Variants in HRK observed in about 807,000 individuals in gnomAD.
HRK encodes the protein harakiri, BCL2 interacting protein, also known as activator of apoptosis harakiri.
HRK carries 6 observed loss-of-function variants against 5.9 expected under a neutral mutation model. That is an observed-to-expected ratio of 1.02 (90% CI 0.56 to 2.01). The LOEUF is 2.01. Among genes scored for constraint, HRK ranks in the 30% most tolerant of loss-of-function variants. The pLI is 0.00. For synonymous variants in HRK, 85 were observed against 65.1 expected, an observed-to-expected ratio of 1.31 and a Z score of -1.47; for missense variants, 133 against 128.3, an observed-to-expected ratio of 1.04 and a Z score of -0.18.
At chr12:116,870,392 C>T (rs536843339) in intron 1 of HRK, among the ~76,000 whole-genome samples, 30 of 152,254 alleles carry the variant, frequency 2.0e-4, no homozygotes, top group East Asian at 1.9e-4. Context: ...GCACGCTAGG[C>T]GTCATCCACA....
At chr12:116,876,121 G>C (rs1371266238) in intron 1 of HRK, among the ~76,000 whole-genome samples, 6 of 152,094 alleles carry the variant, frequency 3.9e-5, no homozygotes, top group South Asian at 4.2e-4. Flanking sequence ...ATTATCCCCG[G>C]GTGTGGCTCT....
At chr12:116,880,110 CACTAGG>C (rs1390849397) in intron 1 of HRK, among the ~76,000 whole-genome samples, 3 of 152,032 alleles carry the variant, frequency 2.0e-5, no homozygotes, top group Non-Finnish European at 2.9e-5. Context: ...ATACCAACCA[CACTAGG>C]TGCTCAGTAC....
chr12:116,877,553 A>G (rs1013883846), intron 1 of HRK, among the ~76,000 whole-genome samples: 36 of 152,190 alleles, frequency 2.4e-4, no homozygotes, highest in African/African-American at 8.4e-4. Flanking sequence ...CCGGGAGGGC[A>G]GGTAGGAGTG....
At chr12:116,863,419 G>A (rs1330438606) in intron 1 of HRK, among the ~76,000 whole-genome samples, 3 of 152,160 alleles carry the variant, frequency 2.0e-5, no homozygotes, top group Non-Finnish European at 4.4e-5. Flanking sequence ...CCTTACCCTG[G>A]CACCTTCAGG....
rs1237640379 is a variant in HRK, at chr12:116,880,996, G to A, written c.*36C>T. ...CGTACCTGTTGCTCGCTCCGGCTGG[G>A]TCTCGGCTCCGGCCCCACCAAGAAG... is the stretch of plus-strand genomic sequence containing the variant. On this transcript the variant is annotated 3_prime_UTR_variant, in exon 1 of 2. Coordinates refer to ENST00000257572, the MANE Select transcript of HRK (RefSeq NM_003806.4). The A allele has an allele frequency of 1.6e-6, 2 of 1,286,132 alleles. No individual in the cohort carries two copies. Among genetic ancestry groups the A allele is most frequent in the Middle Eastern group, 3.0e-4 (1 of 3,342 alleles). The allele number at this position is 1,286,132 out of a possible 1,614,324, so 79.7% of individuals were successfully genotyped here.
rs984512876 is a variant in HRK at position 116,856,251 on chromosome 12, A to G, written c.*5272T>C. On this transcript the variant is annotated 3_prime_UTR_variant, in exon 2 of 2. Transcript: ENST00000257572. The surrounding 1 kb of genome is among the most constrained non-coding windows in gnomAD (Gnocchi z 4.4). ...AGAGCACAACGACGTCAGAACCAACAACGTCAGAACCCAGAACGGAACGTC... is the reference window on the plus strand; with the variant it reads ...AGAGCACAACGACGTCAGAACCAACGACGTCAGAACCCAGAACGGAACGTC... The G allele has an allele frequency of 1.3e-5, 2 of 152,200 alleles. No homozygotes were observed. The highest frequency in any genetic ancestry group is 2.4e-5 in the African/African-American group (1 of 41,460). 9.4% of individuals were successfully genotyped at this position (152,200 alleles called of 1,614,324 possible).
At position 116,881,287 on chromosome 12, in the gene HRK, G is replaced by A; in HGVS notation, c.21C>T (p.His7=). MCPCPL[H]RGRGPPAVCA... is the part of the protein sequence containing the mutation. Reference sequence around the variant, plus strand: ...ACACGGCCGGGGGGCCGCGGCCGCGGTGCAGGGGGCACGGGCACATGACCG... The same window carrying A: ...ACACGGCCGGGGGGCCGCGGCCGCGATGCAGGGGGCACGGGCACATGACCG... The change falls in exon 1 of 2, where the codon CAC becomes CAT. Residue 7 remains histidine (H), a synonymous_variant. Transcript: ENST00000257572. The A allele has an allele frequency of 9.3e-7, 1 of 1,073,506 alleles. No homozygotes were observed. The highest frequency in any genetic ancestry group is 1.1e-6 in the Non-Finnish European group (1 of 888,598). The allele number at this position is 1,073,506 out of a possible 1,614,324, so 66.5% of individuals were successfully genotyped here. A position where few individuals can be genotyped will look rare whatever the true frequency, so the allele number is the denominator to read the frequency against.
intron 1 of HRK, among the ~76,000 whole-genome samples, chr12:116,872,784 A>AAG (rs1013444916): frequency 5.3e-5 from 8 of 150,946 alleles, no homozygotes; most frequent in South Asian, 2.1e-4. Flanking sequence ...CAAAAAAACA[A>AAG]AGAGAGAGAG....
intron 1 of HRK, among the ~76,000 whole-genome samples, chr12:116,875,369 T>C (rs1351076288): frequency 3.9e-5 from 6 of 152,184 alleles, no homozygotes; most frequent in Non-Finnish European, 8.8e-5. Context: ...ACTTATTGTC[T>C]GTCTCTTCCC....
At chr12:116,871,913 A>C (rs1593008495) in intron 1 of HRK, among the ~76,000 whole-genome samples, 1 of 150,544 alleles carries the variant, frequency 6.6e-6, no homozygotes, top group East Asian at 1.9e-4. Context: ...TGTTTTAATT[A>C]GTTCTTTTTT....
intron 1 of HRK, among the ~76,000 whole-genome samples, chr12:116,870,944 A>T (rs974071169): frequency 1.3e-5 from 2 of 152,222 alleles, no homozygotes; most frequent in African/African-American, 4.8e-5. Flanking sequence ...TTTGAGACAG[A>T]GTCTCGCTCT....
In HRK at chr12:116,878,066, C is replaced by A. The variant is rs1879001551; in HGVS notation, c.*56+2910G>T. On this transcript the variant is annotated intron_variant, in intron 1 of 1. Coordinates refer to ENST00000257572, the MANE Select transcript of HRK (RefSeq NM_003806.4). The surrounding 1 kb of genome is among the most constrained non-coding windows in gnomAD (Gnocchi z 4.4). ...GAGTAGCTGGGATTACAGGTGTGCA[C>A]CACCACGCTCAGCTAATTTTTGTAT... Among the ~76,000 whole-genome samples, 1 of 152,104 alleles carries A rather than the reference C, an allele frequency of 6.6e-6. No homozygotes were observed. Among genetic ancestry groups the A allele is most frequent in the Non-Finnish European group, 1.5e-5 (1 of 68,028 alleles).
intron 1 of HRK, among the ~76,000 whole-genome samples, chr12:116,863,180 T>C (rs1157462008): frequency 6.6e-6 from 1 of 152,250 alleles, no homozygotes; most frequent in African/African-American, 2.4e-5. Context: ...GGGAGATCAC[T>C]TTATGGCTTC....
chr12:116,869,160 A>T (rs1284339000), intron 1 of HRK, among the ~76,000 whole-genome samples: 3 of 151,854 alleles, frequency 2.0e-5, no homozygotes, highest in Non-Finnish European at 2.9e-5. Flanking sequence ...ATATTTTTTT[A>T]AAATAGAGGC....
At chr12:116,877,259 T>C (rs1878969930) in intron 1 of HRK, among the ~76,000 whole-genome samples, 1 of 151,346 alleles carries the variant, frequency 6.6e-6, no homozygotes, top group Admixed American at 6.6e-5. Flanking sequence ...TTTCACCATG[T>C]TGCCCAGGCT....
At position 116,856,941 on chromosome 12, in the gene HRK, G is replaced by C. The variant is rs1878173478; in HGVS notation, c.*4582C>G. The C allele has an allele frequency of 6.6e-6, 1 of 152,286 alleles. No individual in the cohort carries two copies. The highest frequency in any genetic ancestry group is 2.4e-5 in the African/African-American group (1 of 41,466). 9.4% of individuals were successfully genotyped at this position (152,286 alleles called of 1,614,324 possible). A position where few individuals can be genotyped will look rare whatever the true frequency, so the allele number is the denominator to read the frequency against. ...GGGTAAAGCACTTCGCCCAGTGCTTGGGAGTGGCGAGCACGCCATAAAAGG... is the reference window on the plus strand; with the variant it reads ...GGGTAAAGCACTTCGCCCAGTGCTTCGGAGTGGCGAGCACGCCATAAAAGG... On this transcript the variant is annotated 3_prime_UTR_variant, in exon 2 of 2. Transcript: ENST00000257572. The surrounding 1 kb of genome is among the most constrained non-coding windows in gnomAD (Gnocchi z 4.4).
rs750648503 is a variant in HRK, at chr12:116,860,653, G to C, written c.*870C>G. ...TGCTCCAAACCACCTCTGGATATTCGTCCCCAGGTAGAAGAAGAGAAGAGA... is the reference window on the plus strand; with the variant it reads ...TGCTCCAAACCACCTCTGGATATTCCTCCCCAGGTAGAAGAAGAGAAGAGA... On this transcript the variant is annotated 3_prime_UTR_variant, in exon 2 of 2. Coordinates refer to ENST00000257572, the MANE Select transcript of HRK (RefSeq NM_003806.4). The C allele has an allele frequency of 6.6e-6, 1 of 150,488 alleles. No homozygotes were observed. Among genetic ancestry groups the C allele is most frequent in the Non-Finnish European group, 1.5e-5 (1 of 67,838 alleles). 9.3% of individuals were successfully genotyped at this position (150,488 alleles called of 1,614,324 possible).
chr12:116,866,141 G>A (rs111269117), intron 1 of HRK, among the ~76,000 whole-genome samples: 6,095 of 111,894 alleles, frequency 0.054, 329 homozygotes, highest in East Asian at 0.17. Context: ...CTGGGAGAGA[G>A]AGCAAGATTC....
At position 116,858,427 on chromosome 12, in the gene HRK, C is replaced by CG. The variant is rs1226193869; in HGVS notation, c.*3095dup. 2 of 151,770 alleles carry CG rather than the reference C, an allele frequency of 1.3e-5. No homozygotes were observed. Among genetic ancestry groups the CG allele is most frequent in the Non-Finnish European group, 2.9e-5 (2 of 68,020 alleles). The allele number at this position is 151,770 out of a possible 1,614,324, so 9.4% of individuals were successfully genotyped here. A position where few individuals can be genotyped will look rare whatever the true frequency, so the allele number is the denominator to read the frequency against. Reference sequence around the variant, plus strand: ...GATCTCATTCGGAGTGTTGAAGTCCCGGGGGCTCCAGTCCCAGCGGTTCCT... The same window carrying CG: ...GATCTCATTCGGAGTGTTGAAGTCCCGGGGGGCTCCAGTCCCAGCGGTTCCT... On this transcript the variant is annotated 3_prime_UTR_variant, in exon 2 of 2. Coordinates refer to ENST00000257572, the MANE Select transcript of HRK (RefSeq NM_003806.4).
Sources: allele counts gnomAD v4.1 joint callset (sites outside exome capture counted in the v4.1 genomes callset), GRCh38; gene constraint gnomAD v4.1.1; non-coding constraint Gnocchi (gnomAD v3.1); transcripts MANE v1.5; gene names NCBI Gene and HGNC (gene_info 2026-07-23, HGNC 2026-07-21).